The following GRSF1 variants were observed in gnomAD, a reference collection of about 807,000 sequenced individuals.
GRSF1 encodes G-rich RNA sequence binding factor 1, also known as G-rich sequence factor 1.
Under a neutral mutation model 51.1 loss-of-function variants are expected in GRSF1, and 50 were observed. The ratio of observed to expected loss-of-function variants is 0.98; its 90% CI spans 0.78 to 1.24. The LOEUF (loss-of-function observed/expected upper bound fraction) is 1.24, where lower values mean the gene tolerates loss of function less well. Among genes scored for constraint, GRSF1 ranks in the 50% most tolerant of loss-of-function variants. The probability of loss-of-function intolerance (pLI) is 0.00; values close to 1 mark genes in which losing one functional copy is unlikely to be tolerated. For missense variants in GRSF1, 700 were observed against 639.7 expected, an observed-to-expected ratio of 1.09 and a Z score of -1.02; for synonymous variants, 293 against 253.3, an observed-to-expected ratio of 1.16 and a Z score of -1.49.
chr4:70,823,502 A>C (rs1338298137), intron 9 of GRSF1, among the ~76,000 whole-genome samples: 2 of 149,106 alleles, frequency 1.3e-5, no homozygotes, highest in East Asian at 3.9e-4. Flanking sequence ...TTTGCCCCCC[A>C]CATCTGAGAA....
chr4:70,827,198 T>C (rs1733770105), intron 6 of GRSF1, among the ~76,000 whole-genome samples: 1 of 150,466 alleles, frequency 6.6e-6, no homozygotes, highest in African/African-American at 2.4e-5. Flanking sequence ...TGAGGCAGGA[T>C]GATGGCGTGA....
At position 70,828,987 on chromosome 4, in the gene GRSF1, C is replaced by T. The variant is rs181161543; in HGVS notation, c.951-951G>A. ...CTCCAGACCTCAGGTGATTCACCTG[C>T]CTCAGCCTCCCAAAGTGCTGGGATT... On this transcript the variant is annotated intron_variant, in intron 5 of 9. Coordinates refer to ENST00000254799, the MANE Select transcript of GRSF1 (RefSeq NM_002092.4). 8.2e-3 allele frequency among the ~76,000 whole-genome samples: 1,248 copies of T among 152,242 alleles called. 16 individuals are homozygous for T. Among genetic ancestry groups the T allele is most frequent in the African/African-American group, 0.029 (1,185 of 41,538 alleles).
At chr4:70,824,247 G>A (rs530924343) in intron 9 of GRSF1, 47 bp downstream of exon 9, 1 of 809,608 alleles carries the variant, frequency 1.2e-6, no homozygotes, top group African/African-American at 1.7e-5. Flanking sequence ...TGGGATTACA[G>A]GTGTGAGCCA....
chr4:70,823,274 G>A (rs1578293100), intron 9 of GRSF1, among the ~76,000 whole-genome samples: 1 of 152,174 alleles, frequency 6.6e-6, no homozygotes, highest in East Asian at 1.9e-4. Context: ...GTGCATGCCT[G>A]TAATCCCAGC....
Position 70,829,584 on chromosome 4 carries a change from G to A in GRSF1, c.951-1548C>T, listed in dbSNP as rs368070242. ...TGGGAGGATTGCTTGAGCCCAGGAG[G>A]CCACAACTGCAGTGAGCTGTATCAC... On this transcript the variant is annotated intron_variant, in intron 5 of 9. Coordinates refer to ENST00000254799, the MANE Select transcript of GRSF1 (RefSeq NM_002092.4). Among the ~76,000 whole-genome samples, 13 of 152,056 alleles carry A rather than the reference G, an allele frequency of 8.5e-5. No individual in the cohort carries two copies. In the East Asian group the frequency reaches 1.9e-3, roughly 23 times the overall value.
In GRSF1 at chr4:70,820,207, G is replaced by C. The variant is rs1733448940; in HGVS notation, c.*680C>G. The C allele has an allele frequency of 6.6e-6, 1 of 152,376 alleles. No homozygotes were observed. The highest frequency in any genetic ancestry group is 2.4e-5 in the African/African-American group (1 of 41,422). The allele number at this position is 152,376 out of a possible 1,614,324, so 9.4% of individuals were successfully genotyped here. On this transcript the variant is annotated 3_prime_UTR_variant, in exon 10 of 10. Coordinates refer to ENST00000254799, the MANE Select transcript of GRSF1 (RefSeq NM_002092.4). ...AGTTAAGACTAGAATGCCCCCTTAAGTAGATAGGCACCACCGTTATACGCC... is the reference window on the plus strand; with the variant it reads ...AGTTAAGACTAGAATGCCCCCTTAACTAGATAGGCACCACCGTTATACGCC...
chr4:70,831,393 A>G (rs1260516843), intron 5 of GRSF1, 146 bp downstream of exon 5: 6 of 641,832 alleles, frequency 9.3e-6, no homozygotes, highest in Non-Finnish European at 1.5e-5. Flanking sequence ...AAAAATTGTT[A>G]ATCTAAATTA....
intron 2 of GRSF1, among the ~76,000 whole-genome samples, chr4:70,834,580 C>T (rs1359958557): frequency 6.6e-6 from 1 of 152,048 alleles, no homozygotes; most frequent in Non-Finnish European, 1.5e-5. Flanking sequence ...GTTCGGTATA[C>T]AGATAATTTA....
rs563764173 is a variant in GRSF1 at position 70,818,152 on chromosome 4, C to T, written c.*2735G>A. The T allele has an allele frequency of 6.6e-6, 1 of 152,378 alleles. No individual in the cohort carries two copies. The highest frequency in any genetic ancestry group is 6.5e-5 in the Admixed American group (1 of 15,298). 9.4% of individuals were successfully genotyped at this position (152,378 alleles called of 1,614,324 possible). ...CTCCCAGGTTCAAGCGATTCTCCTG[C>T]CTTGGCCTCCCAAGTAACTGGGATT... On this transcript the variant is annotated 3_prime_UTR_variant, in exon 10 of 10. Coordinates refer to ENST00000254799, the MANE Select transcript of GRSF1 (RefSeq NM_002092.4).
At position 70,818,973 on chromosome 4, in the gene GRSF1, A is replaced by G. The variant is rs1733409906; in HGVS notation, c.*1914T>C. 1 of 152,180 alleles carries G rather than the reference A, an allele frequency of 6.6e-6. No individual in the cohort carries two copies. The highest frequency in any genetic ancestry group is 2.4e-5 in the African/African-American group (1 of 41,450). 9.4% of individuals were successfully genotyped at this position (152,180 alleles called of 1,614,324 possible). On this transcript the variant is annotated 3_prime_UTR_variant, in exon 10 of 10. Coordinates refer to ENST00000254799, the MANE Select transcript of GRSF1 (RefSeq NM_002092.4). The stretch of plus-strand genomic sequence containing the variant: ...TTCCCATAACTACATCCACCTTAGC[A>G]ATCACTTACGTACTAGCCTAGATCA...
At chr4:70,831,388 T>C (rs1385988393) in intron 5 of GRSF1, 151 bp downstream of exon 5, 2 of 613,632 alleles carry the variant, frequency 3.3e-6, no homozygotes, top group Non-Finnish European at 5.3e-6. Flanking sequence ...CGAAAAAAAA[T>C]TGTTAATCTA....
At chr4:70,832,777 ATCT>A (rs1180070021) in intron 3 of GRSF1, among the ~76,000 whole-genome samples, 2 of 152,162 alleles carry the variant, frequency 1.3e-5, no homozygotes, top group Non-Finnish European at 2.9e-5. Context: ...GTAAAACCCC[ATCT>A]CTAATAAAAA....
rs993683805 is a variant in GRSF1, at chr4:70,816,889, G to C, written c.*3998C>G. 1 of 152,158 alleles carries C rather than the reference G, an allele frequency of 6.6e-6. No individual in the cohort carries two copies. The highest frequency in any genetic ancestry group is 1.5e-5 in the Non-Finnish European group (1 of 68,040). The allele number at this position is 152,158 out of a possible 1,614,324, so 9.4% of individuals were successfully genotyped here. On this transcript the variant is annotated 3_prime_UTR_variant, in exon 10 of 10. Transcript: ENST00000254799. ...GCAAAATGCTGCTTGTACAATCTAA[G>C]GGATGGGTATTGGCATCACCAAGAT...
In GRSF1 at chr4:70,820,450, ACT is replaced by A. The variant is rs1733456535; in HGVS notation, c.*435_*436del. On this transcript the variant is annotated 3_prime_UTR_variant, in exon 10 of 10. Transcript: ENST00000254799. ...GGTGAATGTTTGGTTAAAATAAATCACTGTTTCACTCCATGAGAAGTTTTACA... is the reference window on the plus strand; with the variant it reads ...GGTGAATGTTTGGTTAAAATAAATCAGTTTCACTCCATGAGAAGTTTTACA... 1 of 152,526 alleles carries A rather than the reference ACT, an allele frequency of 6.6e-6. No individual in the cohort carries two copies. Among genetic ancestry groups the A allele is most frequent in the African/African-American group, 2.4e-5 (1 of 41,430 alleles). 9.4% of individuals were successfully genotyped at this position (152,526 alleles called of 1,614,324 possible).
Position 70,827,995 on chromosome 4 carries a change from G to C in GRSF1, c.992C>G (p.Thr331Arg). The C allele has an allele frequency of 6.2e-7, 1 of 1,613,518 alleles. No homozygotes were observed. Among genetic ancestry groups the C allele is most frequent in the East Asian group, 2.2e-5 (1 of 44,870 alleles). The change falls in exon 6 of 10, where the codon ACA becomes AGA. Residue 331 changes from threonine to arginine, a missense_variant. By Grantham distance (71) the Thr-to-Arg change is moderately conservative (BLOSUM62 -1). Coordinates refer to ENST00000254799, the MANE Select transcript of GRSF1 (RefSeq NM_002092.4). ...CTTTCCCTTATAAGAACCGACATGT[G>C]TTCGAACTTCATTCCTTCTGCTTGG... ...IFPSRRNEVR[T>R]HVGSYKGKKI...
upstream of GRSF1, among the ~76,000 whole-genome samples, chr4:70,842,506 A>T (rs916887928): frequency 6.6e-6 from 1 of 151,900 alleles, no homozygotes; most frequent in African/African-American, 2.4e-5. Flanking sequence ...TGGGAATATG[A>T]CTCACACTAG....
At chr4:70,829,261 A>G (rs1051500782) in intron 5 of GRSF1, among the ~76,000 whole-genome samples, 1 of 152,142 alleles carries the variant, frequency 6.6e-6, no homozygotes, top group African/African-American at 2.4e-5. Flanking sequence ...ACAAATCTAT[A>G]AAGATTAGAT....
chr4:70,836,137 TA>T lies in GRSF1; in HGVS notation c.514+20del. On this transcript the variant is annotated intron_variant, in intron 2 of 9. Coordinates refer to ENST00000254799, the MANE Select transcript of GRSF1 (RefSeq NM_002092.4). The stretch of plus-strand genomic sequence containing the variant: ...AATATAAGGAAAAAAAATAAATAAA[TA>T]AAACATACATAAAATATACCTGAAA... The T allele has an allele frequency of 2.2e-6, 3 of 1,359,758 alleles. No homozygotes were observed. The highest frequency in any genetic ancestry group is 2.9e-6 in the Non-Finnish European group (3 of 1,023,190). 84.2% of individuals were successfully genotyped at this position (1,359,758 alleles called of 1,614,324 possible).
At chr4:70,834,049 A>G (rs111866202) in intron 2 of GRSF1, among the ~76,000 whole-genome samples, 3 of 152,304 alleles carry the variant, frequency 2.0e-5, no homozygotes, top group African/African-American at 7.2e-5. Context: ...ACCTGAGGTC[A>G]GGAGTTTGAG....
Sources: gnomAD v4.1 joint callset for allele counts (sites outside exome capture counted in the v4.1 genomes callset) on GRCh38, gnomAD v4.1.1 for gene constraint, MANE v1.5 for transcripts, NCBI Gene and HGNC (gene_info 2026-07-23, HGNC 2026-07-21) for gene names.